DICER1: variants seen among roughly 807,000 people sequenced by gnomAD.
DICER1 encodes endoribonuclease Dicer.
In DICER1, 43 loss-of-function variants were observed where a neutral mutation model predicts 194.1. The observed-to-expected ratio is 0.22, with a 90% CI of 0.17 to 0.29. DICER1 has a LOEUF of 0.29. Ranked by LOEUF, DICER1 falls within the 10% of genes least tolerant of loss-of-function variation. DICER1 has a pLI of 1.00. For missense variants in DICER1, 1,608 were observed against 2,317.0 expected (o/e 0.69, Z 6.28); for synonymous variants, 832 against 820.5 (o/e 1.01, Z -0.24).
chr14:95,146,472 A>G (rs879659767), intron 1 of DICER1, among the ~76,000 whole-genome samples: 1 of 152,140 alleles, frequency 6.6e-6, no homozygotes, highest in Admixed American at 6.5e-5. Flanking sequence ...TGGGGGAAAA[A>G]CCACACAACT....
At chr14:95,137,794 T>C (rs1894516916) in intron 1 of DICER1, 1 of 153,076 alleles carries the variant, frequency 6.5e-6, no homozygotes, top group Non-Finnish European at 1.5e-5. Flanking sequence ...TCCTTAGGAA[T>C]ACTTTTTTTC....
chr14:95,095,893 C>T lies in DICER1; in HGVS notation c.5027G>A (p.Arg1676Lys), dbSNP rs375465466. Residue 1676 changes from arginine to lysine, a missense_variant, in exon 23 of 27, where the codon AGA becomes AAA. By Grantham distance (26) the Arg-to-Lys change is conservative. This residue lies in a region of DICER1 where 125 missense variants were observed against 134.9 expected (regional missense o/e 0.93). Coordinates refer to ENST00000343455, the MANE Select transcript of DICER1 (RefSeq NM_177438.3). ...GAGAAGGTAAGCCTTATTCTTGAATCTGTAGTTGATTTTCTTTTCAAAATT... is the reference window on the plus strand; with the variant it reads ...GAGAAGGTAAGCCTTATTCTTGAATTTGTAGTTGATTTTCTTTTCAAAATT... ...FENFEKKINY[R>K]FKNKAYLLQA... 1.2e-6 allele frequency: 2 copies of T among 1,614,126 alleles called. No homozygotes were observed. The highest frequency in any genetic ancestry group is 4.5e-5 in the East Asian group (2 of 44,890).
chr14:95,106,500 C>T (rs1891442055), intron 17 of DICER1, among the ~76,000 whole-genome samples: 1 of 151,984 alleles, frequency 6.6e-6, no homozygotes, highest in Admixed American at 6.6e-5. Context: ...CTTTACATAT[C>T]TATTTCATCT....
rs1555371563 is a variant in DICER1 at position 95,111,323 on chromosome 14, T to G, written c.2250A>C (p.Pro750=). The part of the protein sequence containing the change: ...PGSTKRRQCY[P]KAIPECLRDS... ...TGTTCTAACCAATACTAACTGCTTT[T>G]GGGTAGCACTGCCTTCGTTTCGTGG... is the stretch of plus-strand genomic sequence containing the variant. The change falls in exon 14 of 27, where the codon CCA becomes CCC. Residue 750 remains proline (P), a synonymous_variant. Coordinates refer to ENST00000343455, the MANE Select transcript of DICER1 (RefSeq NM_177438.3). 6.2e-6 allele frequency: 10 copies of G among 1,614,222 alleles called. No individual in the cohort carries two copies. The South Asian group carries it at 1.1e-4, about 18-fold the overall frequency.
Position 95,133,399 on chromosome 14 carries a change from A to C in DICER1, c.60T>G (p.Ala20=), listed in dbSNP as rs767378553. 1 of 1,614,092 alleles carries C rather than the reference A, an allele frequency of 6.2e-7. No homozygotes were observed. ...CAAAGAAAGGACCCATTGGTGAGGA[A>C]GCAGGGGTCATGAGCTGCAGGCCTG... ...SMAGLQLMTP[A]SSPMGPFFGL... is the part of the protein sequence containing the mutation. Residue 20 remains alanine, a synonymous_variant, in exon 2 of 27, where the codon GCT becomes GCG. Coordinates refer to ENST00000343455, the MANE Select transcript of DICER1 (RefSeq NM_177438.3).
At chr14:95,112,960 C>T in intron 12 of DICER1, 132 bp downstream of exon 12, 2 of 963,170 alleles carry the variant, frequency 2.1e-6, no homozygotes, top group Admixed American at 2.1e-5. Context: ...GGTCTGTCAA[C>T]ACAAGGCTCC....
intron 1 of DICER1, among the ~76,000 whole-genome samples, chr14:95,146,669 T>C (rs1323968189): frequency 1.3e-5 from 2 of 152,124 alleles, no homozygotes; most frequent in Non-Finnish European, 2.9e-5. Flanking sequence ...GGGGCATGAC[T>C]GGCCCAGCCA....
At chr14:95,126,374 G>A (rs938040816) in intron 7 of DICER1, among the ~76,000 whole-genome samples, 2 of 152,058 alleles carry the variant, frequency 1.3e-5, no homozygotes, top group East Asian at 1.9e-4. Flanking sequence ...CCTTAAATAG[G>A]GGAAGTCTAC....
At chr14:95,115,844 T>G (rs1566789010) in intron 10 of DICER1, 23 bp from the exon 11 acceptor site, 1 of 1,613,504 alleles carries the variant, frequency 6.2e-7, no homozygotes, top group Non-Finnish European at 8.5e-7. Context: ...AAAACAGAAC[T>G]TATGATGAAA....
chr14:95,128,481 C>T (rs55758041), intron 6 of DICER1, among the ~76,000 whole-genome samples: 25,757 of 152,158 alleles, frequency 0.17, 2,980 homozygotes, highest in East Asian at 0.38. Context: ...TTATATTTCA[C>T]ATGGCATTTG....
intron 1 of DICER1, among the ~76,000 whole-genome samples, chr14:95,146,190 C>T (rs908028296): frequency 1.2e-4 from 19 of 152,204 alleles, no homozygotes; most frequent in African/African-American, 4.3e-4. Flanking sequence ...GGTCGAGATA[C>T]ACAGTATTTT....
intron 26 of DICER1, 168 bp downstream of exon 26, chr14:95,090,866 A>G: frequency 1.0e-6 from 1 of 964,814 alleles, no homozygotes; most frequent in East Asian, 2.6e-5. Context: ...ATTATTTCAT[A>G]AAAACAGAAG....
At chr14:95,136,587 G>GT (rs1894392367) in intron 1 of DICER1, 1 of 152,172 alleles carries the variant, frequency 6.6e-6, no homozygotes, top group Admixed American at 6.5e-5. Context: ...CCATCTGCCA[G>GT]TCACCCAAAC....
chr14:95,101,649 C>T (rs985772595), intron 21 of DICER1, among the ~76,000 whole-genome samples: 2 of 152,278 alleles, frequency 1.3e-5, no homozygotes, highest in South Asian at 2.1e-4. Flanking sequence ...TGCCAGTTTA[C>T]GTGGTTGTTA....
At chr14:95,128,621 A>G (rs1426321577) in intron 6 of DICER1, among the ~76,000 whole-genome samples, 2 of 152,238 alleles carry the variant, frequency 1.3e-5, no homozygotes, top group Non-Finnish European at 2.9e-5. Flanking sequence ...TTGATCATCA[A>G]AGAATCCCAT....
In DICER1 at chr14:95,091,368, A is replaced by T. The variant is rs753581649; in HGVS notation, c.5365-3T>A. 6.2e-7 allele frequency: 1 copy of T among 1,614,056 alleles called. No individual in the cohort carries two copies. The highest frequency in any genetic ancestry group is 1.3e-5 in the African/African-American group (1 of 75,000). On this transcript the variant is annotated splice_polypyrimidine_tract_variant and splice_region_variant and intron_variant, in intron 24 of 26. Coordinates refer to ENST00000343455, the MANE Select transcript of DICER1 (RefSeq NM_177438.3). Reference sequence around the variant, plus strand: ...TCATCCTCCTCAGATCTCCTAAGCTATTACAGAGGGAAAAGTGACTTGTAA... The same window carrying T: ...TCATCCTCCTCAGATCTCCTAAGCTTTTACAGAGGGAAAAGTGACTTGTAA...
chr14:95,107,665 T>G lies in DICER1; in HGVS notation c.2747A>C (p.Lys916Thr), dbSNP rs747825442. The change falls in exon 17 of 27, where the codon AAA (lysine) becomes ACA (threonine). Residue 916 changes from lysine to threonine, a missense_variant. Physicochemically the swap from Lys to Thr is moderately conservative, Grantham distance 78 (BLOSUM62 -1). Transcript: ENST00000343455. ...TAATTTAAAAACAAAGGGTGTTTCT[T>G]TTGTATACTTTGTACTGGGAATGCC... Reference protein sequence around the residue: ...RIGIPSTKYTKETPFVFKLED... With the variant: ...RIGIPSTKYTTETPFVFKLED... The G allele has an allele frequency of 6.8e-6, 11 of 1,613,500 alleles. No homozygotes were observed. The South Asian group carries it at 1.1e-4, about 16-fold the overall frequency.
chr14:95,097,545 A>G (rs1890467531), intron 22 of DICER1, among the ~76,000 whole-genome samples: 1 of 152,242 alleles, frequency 6.6e-6, no homozygotes, highest in African/African-American at 2.4e-5. Context: ...TGACAACCTT[A>G]ATAATGGGCT....
In DICER1 at chr14:95,148,373, T is replaced by A. The variant is rs184741905; in HGVS notation, c.-46+8857A>T. Among the ~76,000 whole-genome samples, 11 of 152,328 alleles carry A rather than the reference T, an allele frequency of 7.2e-5. No homozygotes were observed. The East Asian group carries it at 2.1e-3, about 29-fold the overall frequency. ...CCAGGAGCTACCGGCCACCAGTCGATCATTAGCATACAAAAACACATCACT... is the reference window on the plus strand; with the variant it reads ...CCAGGAGCTACCGGCCACCAGTCGAACATTAGCATACAAAAACACATCACT... On this transcript the variant is annotated intron_variant, in intron 1 of 26. Transcript: ENST00000343455.
Sources: allele counts gnomAD v4.1 joint callset (sites outside exome capture counted in the v4.1 genomes callset), GRCh38; gene constraint gnomAD v4.1.1; regional missense constraint gnomAD v4.1.1; transcripts MANE v1.5; gene names NCBI Gene and HGNC (gene_info 2026-07-23, HGNC 2026-07-21).